The following ATPAF1 variants were observed in gnomAD, a reference collection of about 807,000 sequenced individuals.
ATPAF1 encodes ATP synthase mitochondrial F1 complex assembly factor 1, also known as homolog of yeast ATP11.
ATPAF1 carries 26 observed loss-of-function variants against 43.9 expected under a neutral mutation model. That is an observed-to-expected ratio of 0.59 (90% CI 0.43 to 0.82). The LOEUF is 0.82. Ranked by LOEUF, ATPAF1 falls within the 40% of genes least tolerant of loss-of-function variation. The probability of loss-of-function intolerance (pLI) is 0.00; values close to 1 mark genes in which losing one functional copy is unlikely to be tolerated. For synonymous variants in ATPAF1, 157 were observed against 168.0 expected, an observed-to-expected ratio of 0.93 and a Z score of 0.50; for missense variants, 366 against 435.0, an observed-to-expected ratio of 0.84 and a Z score of 1.41.
intron 2 of ATPAF1, chr1:46,664,965 A>G (rs1224679295): frequency 6.3e-6 from 2 of 318,424 alleles, no homozygotes; most frequent in Non-Finnish European, 1.2e-5. Flanking sequence ...CCCATGGGAA[A>G]TTTTCTCTGA....
chr1:46,648,339 G>A (rs6666405), intron 6 of ATPAF1, among the ~76,000 whole-genome samples: 1 of 151,814 alleles, frequency 6.6e-6, no homozygotes, highest in Non-Finnish European at 1.5e-5. Flanking sequence ...CTTGAACTTC[G>A]GACCTCAAGT....
At position 46,668,171 on chromosome 1, in the gene ATPAF1, G is replaced by A; in HGVS notation, c.152C>T (p.Pro51Leu). ...GCCCCCCTCGGGCCGGCCCGAGCCG[G>A]GGCGCACTGGGAAGACGCGCAGCTG... The change falls in exon 1 of 9, where the codon CCC becomes CTC. Residue 51 changes from proline (P) to leucine (L), a missense_variant. This residue lies in a region of ATPAF1 where 186 missense variants were observed against 168.5 expected (regional missense o/e 1.10). Coordinates refer to ENST00000574428, the Ensembl canonical transcript of ATPAF1. The surrounding 1 kb of genome is among the most constrained non-coding windows in gnomAD (Gnocchi z 4.4). 1 of 1,404,962 alleles carries A rather than the reference G, an allele frequency of 7.1e-7. No individual in the cohort carries two copies. Among genetic ancestry groups the A allele is most frequent in the Non-Finnish European group, 9.3e-7 (1 of 1,080,450 alleles). The allele number at this position is 1,404,962 out of a possible 1,614,324, so 87.0% of individuals were successfully genotyped here.
intron 2 of ATPAF1, among the ~76,000 whole-genome samples, chr1:46,660,798 A>G (rs770846014): frequency 1.5e-4 from 23 of 152,168 alleles, no homozygotes; most frequent in Non-Finnish European, 3.2e-4. Context: ...TTGGATATTG[A>G]TATCTACATT....
intron 4 of ATPAF1, among the ~76,000 whole-genome samples, chr1:46,655,114 G>A (rs1273865430): frequency 6.6e-6 from 1 of 152,136 alleles, no homozygotes; most frequent in Non-Finnish European, 1.5e-5. Context: ...CAGATCTCGT[G>A]AGAACTCATT....
chr1:46,656,384 G>A (rs1676274196), intron 4 of ATPAF1, among the ~76,000 whole-genome samples: 1 of 152,120 alleles, frequency 6.6e-6, no homozygotes, highest in Non-Finnish European at 1.5e-5. Flanking sequence ...CCCAATTGAA[G>A]ATACTAATCA....
intron 6 of ATPAF1, among the ~76,000 whole-genome samples, chr1:46,647,946 T>A (rs190625107): frequency 6.6e-6 from 1 of 152,362 alleles, no homozygotes; most frequent in East Asian, 1.9e-4. Context: ...TGATAAAATG[T>A]TCAAATCCTT....
intron 2 of ATPAF1, chr1:46,663,781 C>T (rs997515079): frequency 1.1e-5 from 12 of 1,073,066 alleles, no homozygotes; most frequent in Non-Finnish European, 1.4e-5. Context: ...ATAAACACCT[C>T]TAATTTGACT....
chr1:46,660,135 C>A (rs1676360891), intron 2 of ATPAF1, among the ~76,000 whole-genome samples: 1 of 152,050 alleles, frequency 6.6e-6, no homozygotes. Context: ...TGCCACCATG[C>A]CTGGCTAATT....
rs1424063407 is a variant in ATPAF1 at position 46,668,159 on chromosome 1, C to A, written c.164G>T (p.Arg55Leu). 1 of 1,397,524 alleles carries A rather than the reference C, an allele frequency of 7.2e-7. No homozygotes were observed. The highest frequency in any genetic ancestry group is 9.3e-7 in the Non-Finnish European group (1 of 1,076,584). 86.6% of individuals were successfully genotyped at this position (1,397,524 alleles called of 1,614,324 possible). Residue 55 changes from arginine to leucine, a missense_variant, in exon 1 of 9, where the codon CGG becomes CTG. Transcript: ENST00000574428. This position sits in a 1 kb window ranked among gnomAD's most constrained non-coding sequence, Gnocchi z 4.4. Reference sequence around the variant, plus strand: ...GCTGCTGTCGGCGCCCCCCTCGGGCCGGCCCGAGCCGGGGCGCACTGGGAA... The same window carrying A: ...GCTGCTGTCGGCGCCCCCCTCGGGCAGGCCCGAGCCGGGGCGCACTGGGAA...
Position 46,668,267 on chromosome 1 carries a change from A to G in ATPAF1, c.56T>C (p.Val19Ala). 7.2e-7 allele frequency: 1 copy of G among 1,383,704 alleles called. No individual in the cohort carries two copies. Among genetic ancestry groups the G allele is most frequent in the Middle Eastern group, 2.6e-4 (1 of 3,774 alleles). 85.7% of individuals were successfully genotyped at this position (1,383,704 alleles called of 1,614,324 possible). ...GCACAGGCCCCGGTAGAGACCGGCC[A>G]CCTGCAGGACCGCCGGTCCCGCGCC... is the stretch of plus-strand genomic sequence containing the variant. Residue 19 changes from valine to alanine, a missense_variant, in exon 1 of 9, where the codon GTG (valine) becomes GCG (alanine). Physicochemically the swap from Val to Ala is moderately conservative, Grantham distance 64 (BLOSUM62 0). Around this residue, in one of 2 missense-constraint regions of ATPAF1, gnomAD observed 186 missense variants for 168.5 expected, o/e 1.10. Coordinates refer to ENST00000574428, the Ensembl canonical transcript of ATPAF1. This position sits in a 1 kb window ranked among gnomAD's most constrained non-coding sequence, Gnocchi z 4.4.
At chr1:46,649,075 T>C (rs1443541402) in intron 6 of ATPAF1, among the ~76,000 whole-genome samples, 3 of 146,922 alleles carry the variant, frequency 2.0e-5, no homozygotes, top group African/African-American at 7.6e-5. Context: ...GGCAGGAGAA[T>C]AGCTTAAACC....
At chr1:46,635,296 G>C (rs979637406) in exon 9 of ATPAF1, 2 of 157,016 alleles carry the variant, frequency 1.3e-5, no homozygotes, top group Non-Finnish European at 2.8e-5. Context: ...TTATTCTACA[G>C]TTTAAACAGG....
At position 46,665,373 on chromosome 1, in the gene ATPAF1, AGGTAAACCAAAG is replaced by A; in HGVS notation, c.267-21_267-10del. 1.9e-6 allele frequency: 3 copies of A among 1,613,814 alleles called. No homozygotes were observed. Among genetic ancestry groups the A allele is most frequent in the Non-Finnish European group, 2.5e-6 (3 of 1,179,740 alleles). ...AAGCAGCTGGGTCTGACCTGATCAGAGGTAAACCAAAGGGTAAACCAACTGGGCCTTTTTGAA... is the reference window on the plus strand; with the variant it reads ...AAGCAGCTGGGTCTGACCTGATCAGAGGTAAACCAACTGGGCCTTTTTGAA... On this transcript the variant is annotated splice_polypyrimidine_tract_variant and intron_variant, in intron 1 of 8. Coordinates refer to ENST00000574428, the Ensembl canonical transcript of ATPAF1.
chr1:46,653,902 G>A lies in ATPAF1; in HGVS notation c.490-35C>T. ...AAAGAGAGGGGTGTCTGTGACATGT[G>A]GGTAATCTTTTCAACATGTGCCAAG... On this transcript the variant is annotated intron_variant, in intron 4 of 8. Transcript: ENST00000574428. The surrounding 1 kb of genome is among the most constrained non-coding windows in gnomAD (Gnocchi z 4.8). 1 of 1,593,988 alleles carries A rather than the reference G, an allele frequency of 6.3e-7. No homozygotes were observed. The highest frequency in any genetic ancestry group is 8.6e-7 in the Non-Finnish European group (1 of 1,165,874).
chr1:46,652,737 C>T, intron 5 of ATPAF1, 109 bp from the exon 6 acceptor site: 2 of 931,872 alleles, frequency 2.1e-6, no homozygotes, highest in Non-Finnish European at 1.7e-6. Context: ...ACAACTAAAA[C>T]AGTCATTTAA....
At chr1:46,658,549 T>C (rs953880658) in intron 3 of ATPAF1, 138 bp downstream of exon 3, 1 of 625,122 alleles carries the variant, frequency 1.6e-6, no homozygotes, top group South Asian at 2.4e-5. Context: ...CATAGAAATA[T>C]TTCTCACTTC....
At chr1:46,651,283 AATG>A (rs1381849352) in intron 6 of ATPAF1, among the ~76,000 whole-genome samples, 1 of 151,998 alleles carries the variant, frequency 6.6e-6, no homozygotes, top group Admixed American at 6.6e-5. Flanking sequence ...GTTTACTGAG[AATG>A]ATGATTTCCA....
exon 9 of ATPAF1, chr1:46,635,799 C>T: frequency 6.2e-7 from 1 of 1,614,044 alleles, no homozygotes; most frequent in Non-Finnish European, 8.5e-7. Context: ...TGGTTCTGGG[C>T]ACATTTCAGT....
chr1:46,639,930 G>C (rs1026266513), intron 8 of ATPAF1, among the ~76,000 whole-genome samples: 1 of 152,074 alleles, frequency 6.6e-6, no homozygotes, highest in East Asian at 1.9e-4. Flanking sequence ...CAGCAGAATG[G>C]GCCTCCTCTG....
Sources: allele counts gnomAD v4.1 joint callset (sites outside exome capture counted in the v4.1 genomes callset), GRCh38; gene constraint gnomAD v4.1.1; regional missense constraint gnomAD v4.1.1; non-coding constraint Gnocchi (gnomAD v3.1); transcripts MANE v1.5; gene names NCBI Gene and HGNC (gene_info 2026-07-23, HGNC 2026-07-21).